Variants in LRRK2 observed in about 807,000 individuals in gnomAD.
The protein encoded by LRRK2 is leucine-rich repeat serine/threonine-protein kinase 2.
Under a neutral mutation model 302.6 loss-of-function variants are expected in LRRK2, and 203 were observed. The observed-to-expected ratio is 0.67, with a 90% CI of 0.60 to 0.75. LRRK2 has a LOEUF of 0.75. Ranked by LOEUF, LRRK2 falls within the 30% of genes least tolerant of loss-of-function variation. The pLI is 0.00. For synonymous variants in LRRK2, 1,066 were observed against 1,031.9 expected (o/e 1.03, Z -0.63); for missense variants, 2,830 against 2,951.0 (o/e 0.96, Z 0.95).
At chr12:40,260,647 C>T (rs1052933329) in intron 13 of LRRK2, among the ~76,000 whole-genome samples, 6 of 151,924 alleles carry the variant, frequency 3.9e-5, no homozygotes, top group Non-Finnish European at 5.9e-5. Context: ...AGTGTCACAC[C>T]GAAATTTGCA....
chr12:40,274,928 C>A lies in LRRK2; in HGVS notation c.1876C>A (p.Leu626Met). The A allele has an allele frequency of 6.2e-7, 1 of 1,613,878 alleles. No individual in the cohort carries two copies. The highest frequency in any genetic ancestry group is 8.5e-7 in the Non-Finnish European group (1 of 1,179,880). The change falls in exon 16 of 51, where the codon CTG (leucine) becomes ATG (methionine). Residue 626 changes from leucine (L) to methionine (M), a missense_variant. This residue lies in a region of LRRK2 where 2,121 missense variants were observed against 2,148.0 expected (regional missense o/e 0.99). Transcript: ENST00000298910. ...GAATGTGTTCATAGGAACTGGACATCTGCTGGCAAAAATTCTGGTTTCCAG... is the reference window on the plus strand; with the variant it reads ...GAATGTGTTCATAGGAACTGGACATATGCTGGCAAAAATTCTGGTTTCCAG... The part of the protein sequence containing the change: ...KKNVFIGTGH[L>M]LAKILVSSLY...
At chr12:40,278,802 G>A (rs1353789853) in intron 18 of LRRK2, among the ~76,000 whole-genome samples, 1 of 152,026 alleles carries the variant, frequency 6.6e-6, no homozygotes, top group Non-Finnish European at 1.5e-5. Context: ...ATATCTATCT[G>A]ATTGTTCTGC....
At chr12:40,249,798 T>C (rs201502397) in intron 7 of LRRK2, 28 bp from the exon 8 acceptor site, 1 of 1,612,134 alleles carries the variant, frequency 6.2e-7, no homozygotes, top group Non-Finnish European at 8.5e-7. Context: ...TGGATGAGAA[T>C]TCAGCTAATG....
chr12:40,349,514 T>C (rs1417874054), intron 43 of LRRK2, among the ~76,000 whole-genome samples: 1 of 149,014 alleles, frequency 6.7e-6, no homozygotes, highest in Non-Finnish European at 1.5e-5. Flanking sequence ...TTCTTTTTCT[T>C]ATTTATTTAT....
intron 28 of LRRK2, among the ~76,000 whole-genome samples, chr12:40,307,374 T>A (rs1191470628): frequency 6.6e-6 from 1 of 152,106 alleles, no homozygotes; most frequent in Non-Finnish European, 1.5e-5. Flanking sequence ...TCAAAATATA[T>A]CTTTCTCTAT....
Position 40,225,645 on chromosome 12 carries a change from AG to A in LRRK2, c.237+7del, listed in dbSNP as rs1229070571. 6.2e-7 allele frequency: 1 copy of A among 1,610,394 alleles called. No individual in the cohort carries two copies. Among genetic ancestry groups the A allele is most frequent in the South Asian group, 1.1e-5 (1 of 90,934 alleles). On this transcript the variant is annotated splice_donor_region_variant and intron_variant, in intron 2 of 50. Coordinates refer to ENST00000298910, the MANE Select transcript of LRRK2 (RefSeq NM_198578.4). The stretch of plus-strand genomic sequence containing the variant: ...AGAGTCGCGAGTGTGCAGCAGGTAA[AG>A]GCATTGTTTTCACTTCAACTCATTC...
At chr12:40,234,017 GC>G (rs1162331351) in intron 3 of LRRK2, among the ~76,000 whole-genome samples, 1 of 152,086 alleles carries the variant, frequency 6.6e-6, no homozygotes, top group African/African-American at 2.4e-5. Flanking sequence ...TTTTTTCAAG[GC>G]CTTTTCCCTC....
chr12:40,232,718 C>A (rs1277022973), intron 3 of LRRK2: 2 of 188,774 alleles, frequency 1.1e-5, no homozygotes, highest in South Asian at 2.2e-4. Context: ...AGAATCGATA[C>A]AAACCACTAG....
chr12:40,228,988 C>T (rs12230685), intron 2 of LRRK2, among the ~76,000 whole-genome samples: 16,884 of 152,154 alleles, frequency 0.11, 1,144 homozygotes, highest in Middle Eastern at 0.2. Context: ...ATACAATCTA[C>T]TAGCTGCTGA....
At chr12:40,335,929 C>G (rs929207945) in intron 40 of LRRK2, among the ~76,000 whole-genome samples, 28 of 152,136 alleles carry the variant, frequency 1.8e-4, no homozygotes, top group African/African-American at 6.8e-4. Context: ...ATCTTTTCAG[C>G]TCTGCCACCA....
At chr12:40,340,600 T>TTG in intron 41 of LRRK2, 146 bp downstream of exon 41, 1 of 844,850 alleles carries the variant, frequency 1.2e-6, no homozygotes, top group East Asian at 2.6e-5. Flanking sequence ...AAGCATCACA[T>TTG]TGTGATTTTT....
At chr12:40,305,701 C>A (rs1944793077) in intron 27 of LRRK2, 84 bp from the exon 28 acceptor site, 1 of 1,212,792 alleles carries the variant, frequency 8.2e-7, no homozygotes, top group East Asian at 2.3e-5. Context: ...ATCTGTGAGC[C>A]TTTCTTGTTT....
chr12:40,353,633 G>A (rs12426326), intron 44 of LRRK2, among the ~76,000 whole-genome samples: 4,902 of 152,268 alleles, frequency 0.032, 227 homozygotes, highest in Admixed American at 0.12. Context: ...CAAGGCAGGC[G>A]GCTGGGAGGT....
chr12:40,363,326 T>C (rs913504397), intron 47 of LRRK2, 76 bp from the exon 48 acceptor site: 1 of 1,389,864 alleles, frequency 7.2e-7, no homozygotes, highest in African/African-American at 1.4e-5. Context: ...TAAGAACTAA[T>C]ATAAGGTTGT....
Position 40,363,556 on chromosome 12 carries a change from T to A in LRRK2, c.7181+2T>A. The A allele has an allele frequency of 6.2e-7, 1 of 1,610,924 alleles. No individual in the cohort carries two copies. The highest frequency in any genetic ancestry group is 8.5e-7 in the Non-Finnish European group (1 of 1,177,922). On this transcript the variant is annotated splice_donor_variant, in intron 48 of 50. Coordinates refer to ENST00000298910, the MANE Select transcript of LRRK2 (RefSeq NM_198578.4). LOFTEE classifies it high-confidence loss of function. Reference sequence around the variant, plus strand: ...AATAGACTGCGTGCACTTTTTAAGGTAAATTCTGTGGTTTTTAATTTTATT... The same window carrying A: ...AATAGACTGCGTGCACTTTTTAAGGAAAATTCTGTGGTTTTTAATTTTATT...
chr12:40,274,783 T>C (rs1353994450), intron 15 of LRRK2, 56 bp downstream of exon 15: 24 of 1,610,278 alleles, frequency 1.5e-5, no homozygotes, highest in Non-Finnish European at 2.0e-5. Flanking sequence ...CATTAGCTGG[T>C]GACTGGATGT....
At position 40,294,926 on chromosome 12, in the gene LRRK2, G is replaced by A; in HGVS notation, c.2878+12G>A. ...AGATGATTCACTCAGTAAGTATTTG[G>A]ATGTAATCATAAGTAAATAGATATT... On this transcript the variant is annotated intron_variant, in intron 22 of 50. Coordinates refer to ENST00000298910, the MANE Select transcript of LRRK2 (RefSeq NM_198578.4). 6.9e-7 allele frequency: 1 copy of A among 1,446,326 alleles called. No individual in the cohort carries two copies. Among genetic ancestry groups the A allele is most frequent in the Middle Eastern group, 1.9e-4 (1 of 5,178 alleles). 89.6% of individuals were successfully genotyped at this position (1,446,326 alleles called of 1,614,324 possible).
chr12:40,229,622 C>T (rs919649038), intron 2 of LRRK2, among the ~76,000 whole-genome samples: 2 of 152,126 alleles, frequency 1.3e-5, no homozygotes, highest in Non-Finnish European at 2.9e-5. Flanking sequence ...AGACTCTTTC[C>T]TGTTGTGCAT....
At position 40,359,242 on chromosome 12, in the gene LRRK2, C is replaced by CTTTTT; in HGVS notation, c.6844-12_6844-8dup. The CTTTTT allele has an allele frequency of 7.8e-7, 1 of 1,283,652 alleles. No homozygotes were observed. The highest frequency in any genetic ancestry group is 1.1e-6 in the Non-Finnish European group (1 of 919,538). 79.5% of individuals were successfully genotyped at this position (1,283,652 alleles called of 1,614,324 possible). ...ATACTCAATTTGCTGAGTGTGTTTTCTTTTTTTTTTGGCAAAGCTTAAAGG... is the reference window on the plus strand; with the variant it reads ...ATACTCAATTTGCTGAGTGTGTTTTCTTTTTTTTTTTTTTTGGCAAAGCTTAAAGG... On this transcript the variant is annotated splice_polypyrimidine_tract_variant and intron_variant, in intron 46 of 50. Transcript: ENST00000298910.
Sources: allele counts gnomAD v4.1 joint callset (sites outside exome capture counted in the v4.1 genomes callset), GRCh38; gene constraint gnomAD v4.1.1; regional missense constraint gnomAD v4.1.1; transcripts MANE v1.5; gene names NCBI Gene and HGNC (gene_info 2026-07-23, HGNC 2026-07-21).